Variants in KIF17 observed in about 807,000 individuals in gnomAD.
The protein encoded by KIF17 is kinesin family member 17.
Under a neutral mutation model 96.8 loss-of-function variants are expected in KIF17, and 80 were observed. The ratio of observed to expected loss-of-function variants is 0.83; its 90% CI spans 0.69 to 1.00. KIF17 has a LOEUF of 1.00. KIF17 is among the 50% of genes least tolerant of loss of function. The pLI is 0.00. For missense variants in KIF17, 1,280 were observed against 1,372.9 expected (o/e 0.93, Z 1.07); for synonymous variants, 567 against 587.5 (o/e 0.97, Z 0.51).
In KIF17 at chr1:20,709,929, C is replaced by A. The variant is rs1024652984; in HGVS notation, c.481-101G>T. 2.6e-5 allele frequency: 29 copies of A among 1,106,500 alleles called. No homozygotes were observed. Among genetic ancestry groups the A allele is most frequent in the Admixed American group, 4.0e-5 (2 of 50,372 alleles). 68.5% of individuals were successfully genotyped at this position (1,106,500 alleles called of 1,614,324 possible). A position where few individuals can be genotyped will look rare whatever the true frequency, so the allele number is the denominator to read the frequency against. ...AGAGAAGGGCCCCATCCAGACCGCC[C>A]TCGCCCTCCTGTAATGCAGGCTGGC... On this transcript the variant is annotated intron_variant, in intron 3 of 14. Transcript: ENST00000400463. This position sits in a 1 kb window ranked among gnomAD's most constrained non-coding sequence, Gnocchi z 4.7.
At position 20,709,680 on chromosome 1, in the gene KIF17, G is replaced by A. The variant is rs1407793115; in HGVS notation, c.629C>T (p.Ser210Leu). ...YTLMNKDSSRSHSIFTISIEM... is the reference protein window; with the variant it reads ...YTLMNKDSSRLHSIFTISIEM... ...GATGCTGATGGTGAAGATGGAGTGCGAGCGTGAGGAATCCTTGTTCATCAG... is the reference window on the plus strand; with the variant it reads ...GATGCTGATGGTGAAGATGGAGTGCAAGCGTGAGGAATCCTTGTTCATCAG... The change falls in exon 4 of 15, where the codon TCG (serine) becomes TTG (leucine). Residue 210 changes from serine (S) to leucine (L), a missense_variant. Coordinates refer to ENST00000400463, the MANE Select transcript of KIF17 (RefSeq NM_001122819.3). The surrounding 1 kb of genome is among the most constrained non-coding windows in gnomAD (Gnocchi z 4.7). 6 of 1,614,074 alleles carry A rather than the reference G, an allele frequency of 3.7e-6. No homozygotes were observed. Among genetic ancestry groups the A allele is most frequent in the South Asian group, 2.2e-5 (2 of 91,078 alleles).
intron 1 of KIF17, 144 bp from the exon 2 acceptor site, chr1:20,715,783 A>T: frequency 1.0e-6 from 1 of 971,202 alleles, no homozygotes; most frequent in Non-Finnish European, 1.6e-6. Flanking sequence ...AACAAGGCGC[A>T]GCTCTGTCCT....
intron 1 of KIF17, among the ~76,000 whole-genome samples, chr1:20,716,779 A>G (rs1367942053): frequency 6.6e-6 from 1 of 152,186 alleles, no homozygotes; most frequent in Non-Finnish European, 1.5e-5. Context: ...CGCTGTTTCT[A>G]TTCATTCGAC....
chr1:20,696,566 G>T (rs1445155903), intron 6 of KIF17, among the ~76,000 whole-genome samples: 1 of 151,910 alleles, frequency 6.6e-6, no homozygotes, highest in East Asian at 1.9e-4. Context: ...CCAGGGACCC[G>T]CCAGGAACGG....
rs2054203399 is a variant in KIF17, at chr1:20,699,869, G to A, written c.1124-1381C>T. The stretch of plus-strand genomic sequence containing the variant: ...GACAGCTGTGGAGGGCCGGGTGAGG[G>A]CTTTGGCTGTGACTCTGGGTTGAAC... On this transcript the variant is annotated intron_variant, in intron 5 of 14. Coordinates refer to ENST00000400463, the MANE Select transcript of KIF17 (RefSeq NM_001122819.3). The surrounding 1 kb of genome is among the most constrained non-coding windows in gnomAD (Gnocchi z 4.3). Among the ~76,000 whole-genome samples the A allele has an allele frequency of 6.6e-6, 1 of 152,176 alleles. No homozygotes were observed. Among genetic ancestry groups the A allele is most frequent in the Non-Finnish European group, 1.5e-5 (1 of 68,036 alleles).
intron 6 of KIF17, among the ~76,000 whole-genome samples, chr1:20,697,118 CCTT>C (rs1262802802): frequency 1.3e-5 from 2 of 152,224 alleles, no homozygotes; most frequent in Non-Finnish European, 2.9e-5. Flanking sequence ...TCTCCACAGT[CCTT>C]CTCCTGTCTG....
Position 20,684,856 on chromosome 1 carries a change from C to T in KIF17, c.2184G>A (p.Leu728=), listed in dbSNP as rs1425820472. The T allele has an allele frequency of 6.3e-7, 1 of 1,596,784 alleles. No individual in the cohort carries two copies. The highest frequency in any genetic ancestry group is 8.5e-7 in the Non-Finnish European group (1 of 1,171,994). ...RESVGMEVAV[L]TDDPLPVVDQ... ...CCACAACGGGCAGCGGGTCATCAGT[C>T]AGCACTGCCACCTCCATGCCCACGC... The change falls in exon 10 of 15, where the codon CTG becomes CTA. Residue 728 remains leucine (L), a synonymous_variant. Coordinates refer to ENST00000400463, the MANE Select transcript of KIF17 (RefSeq NM_001122819.3).
chr1:20,686,081 C>T lies in KIF17; in HGVS notation c.1984G>A (p.Glu662Lys), dbSNP rs1228359913. Residue 662 changes from glutamate to lysine, a missense_variant, in exon 9 of 15, where the codon GAA becomes AAA. By Grantham distance (56) the Glu-to-Lys change is moderately conservative. Transcript: ENST00000400463. ...DLLEPSDARP[E>K]AEAADDFPPR... ...GGGAAGTCATCAGCCGCCTCGGCTT[C>T]GGGCCTGGCATCACTGGGCTCCAGC... 1.3e-6 allele frequency: 2 copies of T among 1,564,396 alleles called. No homozygotes were observed. Among genetic ancestry groups the T allele is most frequent in the South Asian group, 1.2e-5 (1 of 84,850 alleles).
chr1:20,682,104 ACC>A (rs1243273224), intron 11 of KIF17, among the ~76,000 whole-genome samples: 3 of 152,044 alleles, frequency 2.0e-5, no homozygotes, highest in Non-Finnish European at 4.4e-5. Context: ...ACACACGCAC[ACC>A]CACACACACA....
At chr1:20,703,401 G>C (rs2054278379) in intron 5 of KIF17, among the ~76,000 whole-genome samples, 1 of 151,934 alleles carries the variant, frequency 6.6e-6, no homozygotes, top group African/African-American at 2.4e-5. Flanking sequence ...TGGGTGGGTG[G>C]CTGTGTAGAT....
chr1:20,713,312 A>T, intron 3 of KIF17, 142 bp downstream of exon 3: 1 of 631,408 alleles, frequency 1.6e-6, no homozygotes, highest in Non-Finnish European at 2.7e-6. Context: ...GTTTTTTTTA[A>T]TTAAAAAAAA....
intron 8 of KIF17, among the ~76,000 whole-genome samples, chr1:20,686,813 G>A (rs144031272): frequency 4.6e-4 from 70 of 152,294 alleles, no homozygotes; most frequent in African/African-American, 1.4e-3. Context: ...CACCCACCTC[G>A]GTCTCCCAAA....
At chr1:20,675,827 T>C (rs1340259506) in intron 11 of KIF17, among the ~76,000 whole-genome samples, 1 of 152,202 alleles carries the variant, frequency 6.6e-6, no homozygotes, top group Non-Finnish European at 1.5e-5. Flanking sequence ...TTTATTTTGG[T>C]CTTCTTAATT....
At chr1:20,690,004 T>A (rs546477114) in intron 7 of KIF17, among the ~76,000 whole-genome samples, 184 bp downstream of exon 7, 2 of 152,224 alleles carry the variant, frequency 1.3e-5, no homozygotes, top group Non-Finnish European at 2.9e-5. Flanking sequence ...CTACCCTCTC[T>A]GTGCCTCAGT....
At chr1:20,682,994 C>G in intron 10 of KIF17, 110 bp from the exon 11 acceptor site, 2 of 898,128 alleles carry the variant, frequency 2.2e-6, no homozygotes, top group Admixed American at 4.4e-5. Flanking sequence ...TTCCAACAAC[C>G]CCACTTCACA....
At chr1:20,691,133 C>T (rs1217859607) in intron 6 of KIF17, among the ~76,000 whole-genome samples, 1 of 151,714 alleles carries the variant, frequency 6.6e-6, no homozygotes, top group Admixed American at 6.6e-5. Flanking sequence ...CCCGCCTCTA[C>T]TAAAAATGCA....
chr1:20,677,521 C>T (rs1449108681), intron 11 of KIF17, among the ~76,000 whole-genome samples: 1 of 152,154 alleles, frequency 6.6e-6, no homozygotes, highest in African/African-American at 2.4e-5. Context: ...ACTCAATAAG[C>T]AATGATCCAG....
chr1:20,696,492 G>A (rs1365905269), intron 6 of KIF17, among the ~76,000 whole-genome samples: 1 of 152,116 alleles, frequency 6.6e-6, no homozygotes, highest in Non-Finnish European at 1.5e-5. Flanking sequence ...CCACTAGGCC[G>A]CCCCACGAGA....
rs1233430622 is a variant in KIF17, at chr1:20,686,139, A to G, written c.1939-13T>C. On this transcript the variant is annotated splice_polypyrimidine_tract_variant and intron_variant, in intron 8 of 14. Transcript: ENST00000400463. Reference sequence around the variant, plus strand: ...TCGGCGCAGGGACCTGGGAGGAAAGAGGGGATGGAGGAGAAAGAAGGCTGA... The same window carrying G: ...TCGGCGCAGGGACCTGGGAGGAAAGGGGGGATGGAGGAGAAAGAAGGCTGA... 1 of 1,559,276 alleles carries G rather than the reference A, an allele frequency of 6.4e-7. No individual in the cohort carries two copies. The highest frequency in any genetic ancestry group is 1.4e-5 in the African/African-American group (1 of 73,578).
Sources: allele counts gnomAD v4.1 joint callset (sites outside exome capture counted in the v4.1 genomes callset), GRCh38; gene constraint gnomAD v4.1.1; non-coding constraint Gnocchi (gnomAD v3.1); transcripts MANE v1.5; gene names NCBI Gene and HGNC (gene_info 2026-07-23, HGNC 2026-07-21).